SON: variants seen among roughly 807,000 people sequenced by gnomAD.
The protein encoded by SON is SON DNA and RNA binding protein.
In SON, 4 loss-of-function variants were observed where a neutral mutation model predicts 173.3. The ratio of observed to expected loss-of-function variants is 0.02; its 90% confidence interval spans 0.01 to 0.05. SON has a LOEUF of 0.05. Ranked by LOEUF, SON falls within the 10% of genes least tolerant of loss-of-function variation. The pLI is 1.00. For synonymous variants in SON, 1,190 were observed against 1,105.9 expected (o/e 1.08, Z -1.51); for missense variants, 2,626 against 3,055.3 (o/e 0.86, Z 3.31).
Position 33,545,131 on chromosome 21 carries a change from C to T in SON, c.78-1082C>T, listed in dbSNP as rs547665285. 7.9e-5 allele frequency among the ~76,000 whole-genome samples: 12 copies of T among 152,198 alleles called. No homozygotes were observed. In the South Asian group the frequency reaches 2.5e-3, roughly 32 times the overall value. ...AAGAATATGGCCTCTGGTTTGAGTA[C>T]CAGCTTCACCTCTTAGTAGCTGTGT... is the stretch of plus-strand genomic sequence containing the variant. On this transcript the variant is annotated intron_variant, in intron 1 of 11. Transcript: ENST00000356577.
In SON at chr21:33,550,086, G is replaced by T. The variant is rs753351479; in HGVS notation, c.855G>T (p.Glu285Asp). The change falls in exon 3 of 12, where the codon GAG becomes GAT. Residue 285 changes from glutamate to aspartate, a missense_variant. By Grantham distance (45) the Glu-to-Asp change is conservative (BLOSUM62 2). Coordinates refer to ENST00000356577, the MANE Select transcript of SON (RefSeq NM_138927.4). ...AATCTGTGGAGAGCACATCTCCAGA[G>T]CCATCAAAGATCATGTTGGTAGAGC... is the stretch of plus-strand genomic sequence containing the variant. ...VLKSVESTSP[E>D]PSKIMLVEPP... The T allele has an allele frequency of 6.2e-7, 1 of 1,614,172 alleles. No individual in the cohort carries two copies.
chr21:33,571,448 G>A (rs890743463), intron 8 of SON, among the ~76,000 whole-genome samples: 5 of 152,076 alleles, frequency 3.3e-5, no homozygotes, highest in African/African-American at 1.2e-4. Flanking sequence ...AACATCCTCC[G>A]TGTTCTTTTT....
In SON at chr21:33,549,362, T is replaced by G. The variant is rs966682040; in HGVS notation, c.245-114T>G. On this transcript the variant is annotated intron_variant, in intron 2 of 11. Transcript: ENST00000356577. ...TGCTAAGATTACAGGCGTGAGCCAC[T>G]GTACTTGGCCTGTACTAAGGTGTTT... 9 of 840,116 alleles carry G rather than the reference T, an allele frequency of 1.1e-5. No homozygotes were observed. In the African/African-American group the frequency reaches 1.4e-4, roughly 13 times the overall value. The allele number at this position is 840,116 out of a possible 1,614,324, so 52.0% of individuals were successfully genotyped here.
Position 33,559,605 on chromosome 21 carries a change from A to G in SON, c.6487A>G (p.Thr2163Ala), listed in dbSNP as rs16838998. 3.7e-6 allele frequency: 6 copies of G among 1,610,272 alleles called. No individual in the cohort carries two copies. The highest frequency in any genetic ancestry group is 1.6e-4 in the Middle Eastern group (1 of 6,062). The change falls in exon 6 of 12, where the codon ACT becomes GCT. Residue 2163 changes from threonine (T) to alanine (A), a missense_variant. Thr to Ala is a moderately conservative substitution (Grantham distance 58). Coordinates refer to ENST00000356577, the MANE Select transcript of SON (RefSeq NM_138927.4). The surrounding 1 kb of genome is among the most constrained non-coding windows in gnomAD (Gnocchi z 4.1). ...FNLNIAAAKPTPPKSQVTLTK... is the reference protein window; with the variant it reads ...FNLNIAAAKPAPPKSQVTLTK... ...TTTTTAGATTGCTGCAGCAAAACCAACTCCACCAAAAAGCCAGGTAACATT... is the reference window on the plus strand; with the variant it reads ...TTTTTAGATTGCTGCAGCAAAACCAGCTCCACCAAAAAGCCAGGTAACATT...
At chr21:33,563,328 C>A (rs999802173) in intron 6 of SON, among the ~76,000 whole-genome samples, 1 of 152,118 alleles carries the variant, frequency 6.6e-6, no homozygotes, top group Non-Finnish European at 1.5e-5. Flanking sequence ...TTAAAGCCAA[C>A]CAAACACATA....
In SON at chr21:33,576,655, G is replaced by T; in HGVS notation, c.*231G>T. The T allele has an allele frequency of 1.6e-6, 1 of 635,262 alleles. No individual in the cohort carries two copies. Among genetic ancestry groups the T allele is most frequent in the Non-Finnish European group, 2.9e-6 (1 of 340,432 alleles). 39.4% of individuals were successfully genotyped at this position (635,262 alleles called of 1,614,324 possible). On this transcript the variant is annotated 3_prime_UTR_variant, in exon 12 of 12. Transcript: ENST00000356577. ...TCCTCTTTAATGTTGTAAATATTTG[G>T]CAATTTAAGACATTGTGTAAAAAGC... is the stretch of plus-strand genomic sequence containing the variant.
Position 33,559,893 on chromosome 21 carries a change from A to G in SON, c.6657+118A>G. ...TCTTCTTAGGGCCGGGTTAAACGGC[A>G]GGGCCGGGTTAGACGACAGATGAAA... On this transcript the variant is annotated intron_variant, in intron 6 of 11. Coordinates refer to ENST00000356577, the MANE Select transcript of SON (RefSeq NM_138927.4). This position sits in a 1 kb window ranked among gnomAD's most constrained non-coding sequence, Gnocchi z 4.1. 1 of 1,607,852 alleles carries G rather than the reference A, an allele frequency of 6.2e-7. No homozygotes were observed. Among genetic ancestry groups the G allele is most frequent in the Non-Finnish European group, 8.5e-7 (1 of 1,175,276 alleles).
Position 33,549,786 on chromosome 21 carries a change from TGTGCTA to T in SON, c.557_562del (p.Val186_Leu187del), listed in dbSNP as rs937757107. 11 of 1,614,116 alleles carry T rather than the reference TGTGCTA, an allele frequency of 6.8e-6. No homozygotes were observed. The highest frequency in any genetic ancestry group is 1.3e-5 in the African/African-American group (1 of 74,946). On this transcript the variant is annotated inframe_deletion, in exon 3 of 12. Transcript: ENST00000356577. ...CTGAGACCAATGAATCCCCTGCAGT[TGTGCTA>T]GAACCTCCTGTAGTATCAATGGAGG...
At chr21:33,543,547 C>T (rs2085522107) in intron 1 of SON, 2 of 251,108 alleles carry the variant, frequency 8.0e-6, no homozygotes, top group Admixed American at 5.1e-5. Flanking sequence ...CCCCTCTCGC[C>T]TCCGCGGATT....
chr21:33,546,132 TATG>T (rs1269110853), intron 1 of SON, 78 bp from the exon 2 acceptor site: 16 of 1,203,374 alleles, frequency 1.3e-5, no homozygotes, highest in Middle Eastern at 2.1e-4. Context: ...CAGTACAACA[TATG>T]ATTATTGTAA....
Position 33,559,048 on chromosome 21 carries a change from TTGAC to T in SON, c.6322-173_6322-170del, listed in dbSNP as rs1299308058. The T allele has an allele frequency of 9.2e-5, 42 of 458,252 alleles. No individual in the cohort carries two copies. Among genetic ancestry groups the T allele is most frequent in the Non-Finnish European group, 1.4e-4 (36 of 262,162 alleles). The allele number at this position is 458,252 out of a possible 1,614,324, so 28.4% of individuals were successfully genotyped here. On this transcript the variant is annotated intron_variant, in intron 4 of 11. Transcript: ENST00000356577. This position sits in a 1 kb window ranked among gnomAD's most constrained non-coding sequence, Gnocchi z 4.1. ...CATAGTAGGTGCTCAATAAATGTTG[TTGAC>T]TGACTGACCAGCCAGAGTGTGTTTA...
intron 8 of SON, 43 bp from the exon 9 acceptor site, chr21:33,573,265 T>C (rs900661399): frequency 2.6e-6 from 4 of 1,537,822 alleles, no homozygotes; most frequent in Non-Finnish European, 2.7e-6. Context: ...CACCAAGTTC[T>C]AACTGTAAAA....
intron 8 of SON, among the ~76,000 whole-genome samples, chr21:33,570,617 AAG>A (rs1254209704): frequency 1.3e-5 from 2 of 152,180 alleles, no homozygotes; most frequent in African/African-American, 4.8e-5. Context: ...GTTACTATGA[AAG>A]TGATTTATAT....
intron 6 of SON, chr21:33,560,686 G>C (rs1055196782): frequency 3.4e-6 from 3 of 881,454 alleles, no homozygotes; most frequent in Non-Finnish European, 4.1e-6. Context: ...GCAAAATCAC[G>C]CTTGGGGGAT....
In SON at chr21:33,552,246, A is replaced by G. The variant is rs1569054952; in HGVS notation, c.3015A>G (p.Ala1005=). 6.2e-7 allele frequency: 1 copy of G among 1,614,176 alleles called. No individual in the cohort carries two copies. Among genetic ancestry groups the G allele is most frequent in the Admixed American group, 1.7e-5 (1 of 60,026 alleles). The change falls in exon 3 of 12, where the codon GCA becomes GCG. Residue 1005 remains alanine (A), a synonymous_variant. Transcript: ENST00000356577. The surrounding 1 kb of genome is among the most constrained non-coding windows in gnomAD (Gnocchi z 5.6). ...SRRSMMMSYA[A]ERSMMSSYER... is the part of the protein sequence containing the mutation. ...GTTCTATGATGATGTCCTATGCTGC[A>G]GAACGTTCCATGATGTCATCTTACG...
intron 6 of SON, among the ~76,000 whole-genome samples, chr21:33,563,221 A>T (rs943746451): frequency 6.6e-6 from 1 of 152,098 alleles, no homozygotes; most frequent in African/African-American, 2.4e-5. Flanking sequence ...TGAACCATTT[A>T]GTAGGTTATC....
At chr21:33,574,759 T>A (rs1160606840) in intron 9 of SON, among the ~76,000 whole-genome samples, 3 of 152,182 alleles carry the variant, frequency 2.0e-5, no homozygotes, top group Non-Finnish European at 2.9e-5. Flanking sequence ...GTATATGAAT[T>A]GGGAAAGCAG....
In SON at chr21:33,554,713, C is replaced by T. The variant is rs201207981; in HGVS notation, c.5482C>T (p.Arg1828Cys). 15 of 1,613,744 alleles carry T rather than the reference C, an allele frequency of 9.3e-6. No homozygotes were observed. The highest frequency in any genetic ancestry group is 8.3e-5 in the Admixed American group (5 of 60,008). ...CTCTTCATTAAGATCTCGAAGTAAG[C>T]GTTCCAAATCTTCTGAACACAAATC... ...RDSSLRSRSK[R>C]SKSSEHKSRK... The change falls in exon 3 of 12, where the codon CGT becomes TGT. Residue 1828 changes from arginine to cysteine, a missense_variant. Physicochemically the swap from Arg to Cys is radical, Grantham distance 180. Around this residue, in one of 13 missense-constraint regions of SON, gnomAD observed 1,006 missense variants for 895.6 expected, o/e 1.12. Coordinates refer to ENST00000356577, the MANE Select transcript of SON (RefSeq NM_138927.4).
chr21:33,546,106 T>C, intron 1 of SON, 107 bp from the exon 2 acceptor site: 1 of 893,876 alleles, frequency 1.1e-6, no homozygotes, highest in Non-Finnish European at 1.6e-6. Context: ...AGGAAAAAGG[T>C]AAAACATCTG....
Sources: gnomAD v4.1 joint callset for allele counts (sites outside exome capture counted in the v4.1 genomes callset) on GRCh38, gnomAD v4.1.1 for gene constraint, gnomAD v4.1.1 regional missense constraint, Gnocchi (gnomAD v3.1) non-coding constraint, MANE v1.5 for transcripts, NCBI Gene and HGNC (gene_info 2026-07-23, HGNC 2026-07-21) for gene names.